SLC7A1: variants seen among roughly 807,000 people sequenced by gnomAD.
SLC7A1 encodes solute carrier family 7 member 1.
In SLC7A1, 10 loss-of-function variants were observed where a neutral mutation model predicts 53.9. The ratio of observed to expected loss-of-function variants is 0.19; its 90% confidence interval spans 0.11 to 0.31. The LOEUF is 0.31. SLC7A1 is among the 10% of genes least tolerant of loss of function. The probability of loss-of-function intolerance (pLI) is 1.00; values close to 1 mark genes in which losing one functional copy is unlikely to be tolerated. For missense variants in SLC7A1, 525 were observed against 827.2 expected, an observed-to-expected ratio of 0.63 and a Z score of 4.48; for synonymous variants, 342 against 338.7, an observed-to-expected ratio of 1.01 and a Z score of -0.11.
intron 1 of SLC7A1, among the ~76,000 whole-genome samples, chr13:29,583,827 C>T (rs75580250): frequency 2.6e-5 from 4 of 152,198 alleles, no homozygotes; most frequent in Non-Finnish European, 5.9e-5. Flanking sequence ...AAATTACTCA[C>T]AGAACTAATG....
rs1380507120 is a variant in SLC7A1, at chr13:29,509,863, T to C, written c.*4617A>G. The C allele has an allele frequency of 1.3e-5, 2 of 152,586 alleles. No individual in the cohort carries two copies. Among genetic ancestry groups the C allele is most frequent in the Non-Finnish European group, 2.9e-5 (2 of 68,026 alleles). 9.5% of individuals were successfully genotyped at this position (152,586 alleles called of 1,614,324 possible). A position where few individuals can be genotyped will look rare whatever the true frequency, so the allele number is the denominator to read the frequency against. On this transcript the variant is annotated 3_prime_UTR_variant, in exon 13 of 13. Transcript: ENST00000380752. ...AATAAACCAACCCTCATTGGTATCA[T>C]TACCCTTAGTGCTCCTTAAACTCAT...
chr13:29,589,292 A>G (rs1872007436), intron 1 of SLC7A1, among the ~76,000 whole-genome samples: 1 of 152,256 alleles, frequency 6.6e-6, no homozygotes, highest in Non-Finnish European at 1.5e-5. Context: ...TGATTTCCAC[A>G]AGACCCCCTG....
intron 2 of SLC7A1, among the ~76,000 whole-genome samples, chr13:29,545,460 T>C (rs1593557509): frequency 2.0e-5 from 3 of 152,162 alleles, no homozygotes; most frequent in Admixed American, 6.5e-5. Context: ...TTTCTACGTG[T>C]GTAAAATGGG....
At chr13:29,519,277 G>A (rs559709414) in intron 9 of SLC7A1, among the ~76,000 whole-genome samples, 170 bp downstream of exon 9, 4 of 152,282 alleles carry the variant, frequency 2.6e-5, no homozygotes, top group South Asian at 4.2e-4. Flanking sequence ...TGCCAAGGAC[G>A]TCCTCCTAAC....
chr13:29,585,842 C>T (rs1871857037), intron 1 of SLC7A1, among the ~76,000 whole-genome samples: 1 of 152,098 alleles, frequency 6.6e-6, no homozygotes, highest in African/African-American at 2.4e-5. Context: ...CCAAGCTAAC[C>T]TACAGTGCAG....
chr13:29,525,682 T>C (rs999428622), intron 5 of SLC7A1, among the ~76,000 whole-genome samples: 9 of 152,194 alleles, frequency 5.9e-5, no homozygotes, highest in Non-Finnish European at 1.3e-4. Flanking sequence ...AGAAAGCTCA[T>C]GTAGATGTGG....
chr13:29,515,642 G>A (rs933956487), intron 12 of SLC7A1, among the ~76,000 whole-genome samples: 4 of 152,214 alleles, frequency 2.6e-5, no homozygotes, highest in African/African-American at 4.8e-5. Context: ...GCCCAGAGGC[G>A]TGGGACTACA....
intron 1 of SLC7A1, among the ~76,000 whole-genome samples, chr13:29,557,792 ATGAGGGGGAAAGTGAATG>A: frequency 1.6e-5 from 1 of 61,164 alleles, no homozygotes; most frequent in Non-Finnish European, 3.1e-5. Context: ...GTGAATGTGA[ATGAGGGGGAAAGTGAATG>A]TGAGGGGGAG....
intron 1 of SLC7A1, among the ~76,000 whole-genome samples, chr13:29,576,143 T>A (rs770100649): frequency 3.3e-5 from 5 of 151,790 alleles, no homozygotes; most frequent in Non-Finnish European, 5.9e-5. Flanking sequence ...TTCTAAAAAA[T>A]TAACCAGGTG....
chr13:29,585,487 T>C (rs1263748086), intron 1 of SLC7A1, among the ~76,000 whole-genome samples: 1 of 152,180 alleles, frequency 6.6e-6, no homozygotes, highest in Non-Finnish European at 1.5e-5. Flanking sequence ...TATCTATATA[T>C]CAATATGTGT....
intron 5 of SLC7A1, among the ~76,000 whole-genome samples, chr13:29,524,831 G>A (rs927423959): frequency 1.3e-5 from 2 of 152,230 alleles, no homozygotes; most frequent in Non-Finnish European, 2.9e-5. Flanking sequence ...TGGCCCACGG[G>A]AGGGGCTCAG....
At chr13:29,589,630 C>G (rs564006539) in intron 1 of SLC7A1, among the ~76,000 whole-genome samples, 1 of 152,212 alleles carries the variant, frequency 6.6e-6, no homozygotes, top group African/African-American at 2.4e-5. Context: ...GCAGGGTGCC[C>G]TCCAGCGTTG....
chr13:29,588,784 C>T (rs970883813), intron 1 of SLC7A1, among the ~76,000 whole-genome samples: 10 of 152,120 alleles, frequency 6.6e-5, no homozygotes, highest in African/African-American at 9.7e-5. Flanking sequence ...GGATTACAGG[C>T]GTGAGCCACC....
chr13:29,532,695 CA>C (rs1172766583), intron 4 of SLC7A1, 128 bp downstream of exon 4: 1 of 851,628 alleles, frequency 1.2e-6, no homozygotes, highest in East Asian at 2.6e-5. Context: ...GCATGCAGTA[CA>C]AAAACAAAAC....
chr13:29,535,671 C>T, intron 3 of SLC7A1, 148 bp downstream of exon 3: 2 of 777,586 alleles, frequency 2.6e-6, no homozygotes, highest in Non-Finnish European at 4.0e-6. Flanking sequence ...AAACTAAATA[C>T]CTCTAAATGA....
At chr13:29,571,877 AT>A (rs1394001785) in intron 1 of SLC7A1, among the ~76,000 whole-genome samples, 1 of 152,184 alleles carries the variant, frequency 6.6e-6, no homozygotes, top group Non-Finnish European at 1.5e-5. Flanking sequence ...TTTCAAGGGC[AT>A]TTTTTGTTTT....
At chr13:29,545,690 T>A (rs1036780669) in intron 2 of SLC7A1, among the ~76,000 whole-genome samples, 3 of 152,254 alleles carry the variant, frequency 2.0e-5, no homozygotes, top group Non-Finnish European at 4.4e-5. Flanking sequence ...GGGCAGACAA[T>A]CCCCATCAGC....
chr13:29,529,362 G>A (rs369155677), intron 5 of SLC7A1, among the ~76,000 whole-genome samples: 1 of 152,182 alleles, frequency 6.6e-6, no homozygotes, highest in South Asian at 2.1e-4. Context: ...CTGGGCATAC[G>A]TGACTGCTAA....
At chr13:29,583,153 G>A (rs1376956446) in intron 1 of SLC7A1, among the ~76,000 whole-genome samples, 1 of 152,146 alleles carries the variant, frequency 6.6e-6, no homozygotes, top group Non-Finnish European at 1.5e-5. Context: ...TGGCCTTCAG[G>A]CCCCACCCCA....
Sources: gnomAD v4.1 joint callset for allele counts (sites outside exome capture counted in the v4.1 genomes callset) on GRCh38, gnomAD v4.1.1 for gene constraint, MANE v1.5 for transcripts, NCBI Gene and HGNC (gene_info 2026-07-23, HGNC 2026-07-21) for gene names.